The following STMN1 variants were observed in gnomAD, a reference collection of about 807,000 sequenced individuals.
The protein encoded by STMN1 is stathmin 1, also known as stathmin.
STMN1 carries 3 observed loss-of-function variants against 19.7 expected under a neutral mutation model. The ratio of observed to expected loss-of-function variants is 0.15; its 90% CI spans 0.07 to 0.39. The LOEUF (loss-of-function observed/expected upper bound fraction) is 0.39. Among genes scored for constraint, STMN1 ranks in the 10% least tolerant of loss-of-function variants. The pLI is 1.00. For missense variants in STMN1, 99 were observed against 176.0 expected (o/e 0.56, Z 2.48); for synonymous variants, 59 against 58.9 (o/e 1.00, Z -0.01).
downstream of STMN1, among the ~76,000 whole-genome samples, chr1:25,896,770 A>G (rs2048821100): frequency 6.6e-6 from 1 of 152,204 alleles, no homozygotes; most frequent in Admixed American, 6.5e-5. Flanking sequence ...TTCTGCTGGC[A>G]GAGGCCTCAG....
downstream of STMN1, among the ~76,000 whole-genome samples, chr1:25,897,711 T>C (rs547238558): frequency 3.3e-5 from 5 of 152,264 alleles, no homozygotes; most frequent in Non-Finnish European, 7.4e-5. Flanking sequence ...GCAGCCCCCC[T>C]TCCTGTGCAG....
downstream of STMN1, among the ~76,000 whole-genome samples, chr1:25,898,367 C>T (rs2048838548): frequency 3.3e-5 from 5 of 152,210 alleles, no homozygotes; most frequent in Admixed American, 3.3e-4. Context: ...CCTCTGTGGT[C>T]ACTCCTTTCA....
rs1207259504 is a variant in STMN1 at position 25,900,874 on chromosome 1, A to G, written c.*142T>C. 2 of 1,452,290 alleles carry G rather than the reference A, an allele frequency of 1.4e-6. No individual in the cohort carries two copies. The highest frequency in any genetic ancestry group is 1.8e-6 in the Non-Finnish European group (2 of 1,102,018). The allele number at this position is 1,452,290 out of a possible 1,614,324, so 90.0% of individuals were successfully genotyped here. On this transcript the variant is annotated 3_prime_UTR_variant, in exon 5 of 5. Coordinates refer to ENST00000455785, the MANE Select transcript of STMN1 (RefSeq NM_005563.4). ...TTTAGCCCCTAAAACAACATCTTAC[A>G]GTCTGGATCTGGATCTACCTATACA...
Position 25,904,725 on chromosome 1 carries a change from G to A in STMN1, c.-49C>T, listed in dbSNP as rs1394286272. 5.0e-6 allele frequency: 8 copies of A among 1,603,374 alleles called. No individual in the cohort carries two copies. The highest frequency in any genetic ancestry group is 6.8e-6 in the Non-Finnish European group (8 of 1,176,550). On this transcript the variant is annotated 5_prime_UTR_variant, in exon 2 of 5. Transcript: ENST00000455785. ...GCAGTGTATTCTGCACAATCAACTG[G>A]GATAAGGAAAGTCCTGAAAATGATT... is the stretch of plus-strand genomic sequence containing the variant.
At chr1:25,891,930 T>A (rs1472445947) in intron 4 of STMN1, among the ~76,000 whole-genome samples, 3 of 152,164 alleles carry the variant, frequency 2.0e-5, no homozygotes, top group Admixed American at 2.0e-4. Context: ...TCAATACTCA[T>A]GCAGCCTGCG....
intron 3 of STMN1, chr1:25,902,398 G>A (rs912587093): frequency 1.3e-5 from 2 of 152,180 alleles, no homozygotes; most frequent in African/African-American, 4.8e-5. Context: ...AACAATGATA[G>A]GAAATTCAAG....
downstream of STMN1, among the ~76,000 whole-genome samples, chr1:25,897,224 A>T (rs980088278): frequency 9.2e-5 from 14 of 151,734 alleles, no homozygotes; most frequent in Admixed American, 3.3e-4. Context: ...GAGGCAGGAG[A>T]ATCGCTTGAA....
chr1:25,895,516 C>T (rs2048811916), downstream of STMN1, among the ~76,000 whole-genome samples: 1 of 152,168 alleles, frequency 6.6e-6, no homozygotes, highest in African/African-American at 2.4e-5. Context: ...CAGGGCGGAT[C>T]CAGCGAAAGA....
At chr1:25,899,601 A>G (rs987449614), downstream of STMN1, among the ~76,000 whole-genome samples, 1 of 152,234 alleles carries the variant, frequency 6.6e-6, no homozygotes, top group African/African-American at 2.4e-5. Flanking sequence ...TTCCAACTCA[A>G]GAGTATAAAC....
chr1:25,890,997 G>A (rs1370859824), intron 4 of STMN1, among the ~76,000 whole-genome samples: 1 of 152,078 alleles, frequency 6.6e-6, no homozygotes, highest in Non-Finnish European at 1.5e-5. Context: ...TCTATAAAAT[G>A]GGATAAAAAA....
intron 3 of STMN1, chr1:25,903,129 T>C (rs2048894539): frequency 6.6e-6 from 1 of 152,284 alleles, no homozygotes; most frequent in African/African-American, 2.4e-5. Flanking sequence ...GATTAGCTTT[T>C]AAAGATAGTT....
downstream of STMN1, among the ~76,000 whole-genome samples, chr1:25,899,148 A>T (rs2048846782): frequency 6.6e-6 from 1 of 152,150 alleles, no homozygotes; most frequent in South Asian, 2.1e-4. Flanking sequence ...GATGGGTGGT[A>T]ACTGATGAGG....
intron 4 of STMN1, 170 bp downstream of exon 4, chr1:25,901,321 T>C: frequency 8.9e-7 from 1 of 1,118,564 alleles, no homozygotes; most frequent in Non-Finnish European, 1.2e-6. Context: ...GCAATTATGC[T>C]GGGAATTACT....
rs1438866294 is a variant in STMN1 at position 25,900,969 on chromosome 1, T to C, written c.*47A>G. The C allele has an allele frequency of 3.7e-6, 6 of 1,612,090 alleles. No homozygotes were observed. Among genetic ancestry groups the C allele is most frequent in the Non-Finnish European group, 5.1e-6 (6 of 1,179,384 alleles). On this transcript the variant is annotated 3_prime_UTR_variant, in exon 5 of 5. Coordinates refer to ENST00000455785, the MANE Select transcript of STMN1 (RefSeq NM_005563.4). Reference sequence around the variant, plus strand: ...AAATGACACTGGCCAGTACAGTCTTTGGATATTTAGGAAGGGGATGGGGAG... The same window carrying C: ...AAATGACACTGGCCAGTACAGTCTTCGGATATTTAGGAAGGGGATGGGGAG...
At chr1:25,895,693 A>G (rs1384052026), downstream of STMN1, among the ~76,000 whole-genome samples, 1 of 152,210 alleles carries the variant, frequency 6.6e-6, no homozygotes, top group African/African-American at 2.4e-5. Flanking sequence ...AGATTTTCAC[A>G]TGGAATTGTC....
chr1:25,900,553 GA>G lies in STMN1; in HGVS notation c.*462del. 2.0e-6 allele frequency: 2 copies of G among 986,150 alleles called. No individual in the cohort carries two copies. Among genetic ancestry groups the G allele is most frequent in the African/African-American group, 3.5e-5 (2 of 57,360 alleles). The allele number at this position is 986,150 out of a possible 1,614,324, so 61.1% of individuals were successfully genotyped here. On this transcript the variant is annotated 3_prime_UTR_variant, in exon 5 of 5. Coordinates refer to ENST00000455785, the MANE Select transcript of STMN1 (RefSeq NM_005563.4). The stretch of plus-strand genomic sequence containing the variant: ...CTTGATTTATTAACCTAACTCAAAA[GA>G]AGTCACTGCCACCAACAGCACTGTG...
intron 4 of STMN1, among the ~76,000 whole-genome samples, chr1:25,891,721 G>A (rs2048777248): frequency 6.6e-6 from 1 of 152,192 alleles, no homozygotes; most frequent in African/African-American, 2.4e-5. Flanking sequence ...CTGTGGAGGT[G>A]GGCCAGTGCA....
rs934695538 is a variant in STMN1, at chr1:25,892,548, C to A, written c.379-6679G>T. On this transcript the variant is annotated intron_variant, in intron 4 of 4. Transcript: ENST00000426559. The stretch of plus-strand genomic sequence containing the variant: ...CTTCTTTAAACAGGGAGGGTAGATG[C>A]CACCACGGCTGAGCCGCTGAGCCGC... 4.1e-6 allele frequency: 4 copies of A among 984,084 alleles called. No homozygotes were observed. In the South Asian group the frequency reaches 1.9e-4, roughly 46 times the overall value. 61.0% of individuals were successfully genotyped at this position (984,084 alleles called of 1,614,324 possible). A position where few individuals can be genotyped will look rare whatever the true frequency, so the allele number is the denominator to read the frequency against.
downstream of STMN1, among the ~76,000 whole-genome samples, chr1:25,899,103 G>A (rs947354594): frequency 6.6e-6 from 1 of 152,192 alleles, no homozygotes; most frequent in South Asian, 2.1e-4. Flanking sequence ...AGGGGCTCAG[G>A]ATCGCCCTCT....
Sources: allele counts gnomAD v4.1 joint callset (sites outside exome capture counted in the v4.1 genomes callset), GRCh38; gene constraint gnomAD v4.1.1; transcripts MANE v1.5; gene names NCBI Gene and HGNC (gene_info 2026-07-23, HGNC 2026-07-21).